Variants in RYR2 observed in about 807,000 individuals in gnomAD.
RYR2 encodes ryanodine receptor 2.
Under a neutral mutation model 601.1 loss-of-function variants are expected in RYR2, and 227 were observed. That is an observed-to-expected ratio of 0.38 (90% CI 0.34 to 0.42). RYR2 has a LOEUF of 0.42. Among genes scored for constraint, RYR2 ranks in the 10% least tolerant of loss-of-function variants. RYR2 has a pLI of 1.00. For synonymous variants in RYR2, 2,223 were observed against 2,175.1 expected (o/e 1.02, Z -0.61); for missense variants, 4,646 against 6,156.5 (o/e 0.75, Z 8.21).
chr1:237,783,389 TTTTC>T (rs1364084451), intron 89 of RYR2, among the ~76,000 whole-genome samples: 2 of 152,188 alleles, frequency 1.3e-5, no homozygotes, highest in African/African-American at 2.4e-5. Flanking sequence ...CTTTGGCTCA[TTTTC>T]TTTATCTAAA....
chr1:237,122,857 A>AT (rs35725651), intron 1 of RYR2, among the ~76,000 whole-genome samples: 133,707 of 151,922 alleles, frequency 0.88, 59,465 homozygotes, highest in South Asian at 0.98. Context: ...TTTTCAAATA[A>AT]TTTCCTTGAA....
intron 46 of RYR2, among the ~76,000 whole-genome samples, chr1:237,640,246 G>A (rs1681331145): frequency 6.6e-6 from 1 of 152,166 alleles, no homozygotes; most frequent in Non-Finnish European, 1.5e-5. Context: ...GGAGACAGCT[G>A]TCTGCTGAGT....
rs557663385 is a variant in RYR2, at chr1:237,140,757, G to A, written c.48+98188G>A. Among the ~76,000 whole-genome samples, 3 of 152,286 alleles carry A rather than the reference G, an allele frequency of 2.0e-5. No homozygotes were observed. In the South Asian group the frequency reaches 6.2e-4, roughly 32 times the overall value. On this transcript the variant is annotated intron_variant, in intron 1 of 104. Transcript: ENST00000366574. The stretch of plus-strand genomic sequence containing the variant: ...ATAAGCTTACTCTGAACCATTACAG[G>A]TGTCTTTGACTTACCTTGGACCATA...
chr1:237,112,325 G>A (rs1341138588), intron 1 of RYR2, among the ~76,000 whole-genome samples: 1 of 152,084 alleles, frequency 6.6e-6, no homozygotes, highest in Non-Finnish European at 1.5e-5. Context: ...TGTTGGTCAG[G>A]CTGGTCTCGA....
intron 73 of RYR2, among the ~76,000 whole-genome samples, chr1:237,719,319 T>G (rs1689517005): frequency 6.6e-6 from 1 of 152,148 alleles, no homozygotes; most frequent in South Asian, 2.1e-4. Context: ...GAGTCGTTAG[T>G]CTATAGGTGA....
At chr1:237,403,826 A>G (rs578221423) in intron 10 of RYR2, among the ~76,000 whole-genome samples, 13 of 152,360 alleles carry the variant, frequency 8.5e-5, no homozygotes, top group African/African-American at 3.1e-4. Context: ...AAACTATCTC[A>G]TATGTAACTT....
At position 237,148,533 on chromosome 1, in the gene RYR2, T is replaced by TATATATATATATATATACACACAC. The variant is rs1558320050; in HGVS notation, c.48+105981_48+105982insCACACACATATATATATATATATA. Among the ~76,000 whole-genome samples, 490 of 116,638 alleles carry TATATATATATATATATACACACAC rather than the reference T, an allele frequency of 4.2e-3. 5 individuals carry two copies. Among genetic ancestry groups the TATATATATATATATATACACACAC allele is most frequent in the African/African-American group, 0.019 (468 of 24,924 alleles). 76.5% of individuals were successfully genotyped at this position (116,638 alleles called of 152,430 possible). ...CTTCAAGTAAAAAAAAAAAAATATA[T>TATATATATATATATATACACACAC]ATATATATATATATATATATACACA... is the stretch of plus-strand genomic sequence containing the variant. On this transcript the variant is annotated intron_variant, in intron 1 of 104. Transcript: ENST00000366574.
intron 12 of RYR2, among the ~76,000 whole-genome samples, chr1:237,435,132 T>G (rs892974429): frequency 1.3e-5 from 2 of 152,202 alleles, no homozygotes; most frequent in African/African-American, 2.4e-5. Context: ...TTTTTATTTT[T>G]CATTCAGAAT....
chr1:237,804,577 G>A (rs979400160), intron 98 of RYR2, among the ~76,000 whole-genome samples: 1 of 152,042 alleles, frequency 6.6e-6, no homozygotes, highest in African/African-American at 2.4e-5. Context: ...TTCTGCATTA[G>A]TCCTGGCCCT....
intron 65 of RYR2, among the ~76,000 whole-genome samples, chr1:237,700,939 T>C (rs1687916401): frequency 6.6e-6 from 1 of 152,226 alleles, no homozygotes; most frequent in South Asian, 2.1e-4. Context: ...TATCCTCTGT[T>C]TAGAGGTTTC....
intron 80 of RYR2, among the ~76,000 whole-genome samples, chr1:237,743,338 A>T (rs1284621633): frequency 6.6e-6 from 1 of 152,170 alleles, no homozygotes; most frequent in Non-Finnish European, 1.5e-5. Context: ...AAAACAATCT[A>T]ATTTGAGGAA....
At chr1:237,693,617 G>A (rs527308251) in intron 63 of RYR2, among the ~76,000 whole-genome samples, 40 of 152,220 alleles carry the variant, frequency 2.6e-4, no homozygotes, top group African/African-American at 9.4e-4. Flanking sequence ...TCCAATATTA[G>A]CTACAGGAGT....
At chr1:237,159,447 GA>G (rs35693027) in intron 1 of RYR2, among the ~76,000 whole-genome samples, 25 of 152,274 alleles carry the variant, frequency 1.6e-4, no homozygotes, top group African/African-American at 4.8e-4. Flanking sequence ...CATGTGTGTA[GA>G]AAAAGGCTCC....
chr1:237,660,484 G>A (rs1683677585), intron 55 of RYR2, among the ~76,000 whole-genome samples: 1 of 151,996 alleles, frequency 6.6e-6, no homozygotes, highest in East Asian at 1.9e-4. Flanking sequence ...AAGTGAAAAG[G>A]ATTTCACTTC....
intron 5 of RYR2, among the ~76,000 whole-genome samples, chr1:237,365,917 G>T (rs1188088016): frequency 6.6e-6 from 1 of 152,170 alleles, no homozygotes; most frequent in Non-Finnish European, 1.5e-5. Context: ...ATTTAATTAG[G>T]CCCCCAGTTC....
At chr1:237,574,733 CA>C (rs1242919288) in intron 29 of RYR2, among the ~76,000 whole-genome samples, 28 of 152,180 alleles carry the variant, frequency 1.8e-4, no homozygotes, top group Non-Finnish European at 3.1e-4. Context: ...GGCAAAAAAA[CA>C]AACAAAAACC....
At position 237,304,463 on chromosome 1, in the gene RYR2, T is replaced by C. The variant is rs150770861; in HGVS notation, c.169-26415T>C. On this transcript the variant is annotated intron_variant, in intron 2 of 104. Transcript: ENST00000366574. Reference sequence around the variant, plus strand: ...TCTTAAAGAGGAAAATCTCTGATTATTCTGAATCTCTGTACGTAAACTCAG... The same window carrying C: ...TCTTAAAGAGGAAAATCTCTGATTACTCTGAATCTCTGTACGTAAACTCAG... Among the ~76,000 whole-genome samples the C allele has an allele frequency of 8.9e-3, 1,359 of 152,354 alleles. 15 individuals are homozygous for C. The highest frequency in any genetic ancestry group is 9.9e-3 in the Non-Finnish European group (675 of 68,034).
At chr1:237,255,075 C>A (rs1349768136) in intron 1 of RYR2, among the ~76,000 whole-genome samples, 1 of 152,112 alleles carries the variant, frequency 6.6e-6, no homozygotes, top group African/African-American at 2.4e-5. Context: ...TGAAGTTTAA[C>A]CAGAGTCTTG....
rs773886062 is a variant in RYR2 at position 237,503,278 on chromosome 1, A to G, written c.2397-11A>G. ...AGAGATAAAATTGACTCTAACGTGC[A>G]TCCTCTTTAGAGTACGCTTTCTGCT... On this transcript the variant is annotated splice_polypyrimidine_tract_variant and intron_variant, in intron 21 of 104. Transcript: ENST00000366574. 4.4e-6 allele frequency: 7 copies of G among 1,591,234 alleles called. No homozygotes were observed. In the Admixed American group the frequency reaches 1.1e-4, roughly 25 times the overall value.
Sources: allele counts gnomAD v4.1 joint callset (sites outside exome capture counted in the v4.1 genomes callset), GRCh38; gene constraint gnomAD v4.1.1; transcripts MANE v1.5; gene names NCBI Gene and HGNC (gene_info 2026-07-23, HGNC 2026-07-21).